SLC9A8: variants seen among roughly 807,000 people sequenced by gnomAD.
SLC9A8 encodes solute carrier family 9 member A8.
In SLC9A8, 48 loss-of-function variants were observed where a neutral mutation model predicts 66.6. That is an observed-to-expected ratio of 0.72 (90% CI 0.57 to 0.92). The LOEUF is 0.92. Among genes scored for constraint, SLC9A8 ranks in the 40% least tolerant of loss-of-function variants. The pLI is 0.00. For synonymous variants in SLC9A8, 274 were observed against 282.6 expected (o/e 0.97, Z 0.31); for missense variants, 599 against 747.3 (o/e 0.80, Z 2.31).
chr20:49,832,300 C>T (rs903528536), intron 3 of SLC9A8, among the ~76,000 whole-genome samples: 2 of 152,168 alleles, frequency 1.3e-5, no homozygotes, highest in African/African-American at 4.8e-5. Flanking sequence ...GCATCATGGT[C>T]TTCGGTGCTT....
chr20:49,829,764 G>T, intron 3 of SLC9A8: 1 of 531,776 alleles, frequency 1.9e-6, no homozygotes, highest in East Asian at 4.6e-5. Context: ...ACAAGAATCG[G>T]CTTAATTCCA....
At chr20:49,835,339 T>TA (rs910385186) in intron 3 of SLC9A8, among the ~76,000 whole-genome samples, 7 of 151,530 alleles carry the variant, frequency 4.6e-5, no homozygotes, top group African/African-American at 1.5e-4. Flanking sequence ...GTTGTGATTT[T>TA]AAAAAAAAGG....
At chr20:49,822,030 C>G (rs762445367) in intron 2 of SLC9A8, among the ~76,000 whole-genome samples, 43 of 152,108 alleles carry the variant, frequency 2.8e-4, no homozygotes, top group Admixed American at 5.9e-4. Context: ...CCTCAGTTTT[C>G]TGATTTGTAA....
intron 5 of SLC9A8, among the ~76,000 whole-genome samples, chr20:49,846,396 C>G (rs2087990507): frequency 6.6e-6 from 1 of 151,562 alleles, no homozygotes; most frequent in Non-Finnish European, 1.5e-5. Context: ...CAACACAGAT[C>G]TAATCATGCG....
chr20:49,887,018 C>A, intron 15 of SLC9A8, 120 bp downstream of exon 15: 1 of 1,142,448 alleles, frequency 8.8e-7, no homozygotes, highest in Non-Finnish European at 1.2e-6. Context: ...CGTGGGCCCG[C>A]CAGGCCGCCG....
intron 3 of SLC9A8, among the ~76,000 whole-genome samples, chr20:49,828,425 T>C (rs1444561243): frequency 1.3e-5 from 2 of 151,364 alleles, no homozygotes; most frequent in African/African-American, 4.8e-5. Flanking sequence ...GGTTTCTTCA[T>C]GTTGGTCAGG....
chr20:49,884,225 C>CACACACACACACACG (rs2089749614), intron 14 of SLC9A8, 159 bp downstream of exon 14: 2 of 222,906 alleles, frequency 9.0e-6, no homozygotes, highest in African/African-American at 4.8e-5. Context: ...CACACACACA[C>CACACACACACACACG]ACACACACAC....
chr20:49,874,646 TGA>T (rs1302395849), intron 10 of SLC9A8, 57 bp from the exon 11 acceptor site: 2 of 1,068,690 alleles, frequency 1.9e-6, no homozygotes, highest in Admixed American at 1.7e-5. Context: ...GCAGGCATTG[TGA>T]GATCTGAGTT....
rs1341726266 is a variant in SLC9A8, at chr20:49,835,328, GGTT to G, written c.290-4210_290-4208del. Among the ~76,000 whole-genome samples, 5 of 151,840 alleles carry G rather than the reference GGTT, an allele frequency of 3.3e-5. No homozygotes were observed. The East Asian group carries it at 7.8e-4, about 24-fold the overall frequency. ...CCATCAGTGGGGCAATGGTTCAAAA[GGTT>G]GTGATTTTAAAAAAAAGGTACAATA... On this transcript the variant is annotated intron_variant, in intron 3 of 15. Coordinates refer to ENST00000361573, the MANE Select transcript of SLC9A8 (RefSeq NM_015266.3).
At chr20:49,879,321 C>T (rs1002590667) in intron 12 of SLC9A8, among the ~76,000 whole-genome samples, 1 of 152,194 alleles carries the variant, frequency 6.6e-6, no homozygotes, top group Non-Finnish European at 1.5e-5. Flanking sequence ...GCTTTGGGGT[C>T]TGAACCAGAT....
intron 10 of SLC9A8, among the ~76,000 whole-genome samples, 163 bp from the exon 11 acceptor site, chr20:49,874,542 C>G (rs780835376): frequency 4.6e-5 from 7 of 152,056 alleles, no homozygotes; most frequent in Non-Finnish European, 1.0e-4. Context: ...GCGAAGGGAC[C>G]CATAGTATTT....
At position 49,864,816 on chromosome 20, in the gene SLC9A8, T is replaced by C; in HGVS notation, c.930T>C (p.Tyr310=). The change falls in exon 10 of 16, where the codon TAT becomes TAC. Residue 310 remains tyrosine, a synonymous_variant. Coordinates refer to ENST00000361573, the MANE Select transcript of SLC9A8 (RefSeq NM_015266.3). The stretch of plus-strand genomic sequence containing the variant: ...TGATCATTTTTGCTTATCTGCCTTA[T>C]GGGCTTGCAGAAGGAATCTCACTCT... The part of the protein sequence containing the change: ...GMMIIFAYLP[Y]GLAEGISLSG... The C allele has an allele frequency of 3.7e-6, 6 of 1,613,770 alleles. No homozygotes were observed. Among genetic ancestry groups the C allele is most frequent in the Non-Finnish European group, 5.1e-6 (6 of 1,179,628 alleles).
Position 49,886,956 on chromosome 20 carries a change from C to G in SLC9A8, c.1638+58C>G. 6.4e-7 allele frequency: 1 copy of G among 1,555,270 alleles called. No homozygotes were observed. The highest frequency in any genetic ancestry group is 8.7e-7 in the Non-Finnish European group (1 of 1,144,620). ...GTCCCTTGCCTGCCTCCTTCAGGAC[C>G]TGCGGTGGCCCAGGGTGGGGTGGAG... is the stretch of plus-strand genomic sequence containing the variant. On this transcript the variant is annotated intron_variant, in intron 15 of 15. Transcript: ENST00000361573. This position sits in a 1 kb window ranked among gnomAD's most constrained non-coding sequence, Gnocchi z 4.8.
intron 3 of SLC9A8, among the ~76,000 whole-genome samples, chr20:49,836,681 GT>G (rs1243381093): frequency 6.6e-6 from 1 of 152,118 alleles, no homozygotes; most frequent in African/African-American, 2.4e-5. Flanking sequence ...CTGTGTACAG[GT>G]TTTTACATGA....
At chr20:49,816,280 C>T (rs927036171) in intron 2 of SLC9A8, among the ~76,000 whole-genome samples, 5 of 151,816 alleles carry the variant, frequency 3.3e-5, no homozygotes, top group African/African-American at 1.2e-4. Context: ...ATTAGCTGGG[C>T]GTGGTGGTAT....
intron 5 of SLC9A8, among the ~76,000 whole-genome samples, chr20:49,845,827 G>A (rs6020084): frequency 0.43 from 64,554 of 148,824 alleles, 14,535 homozygotes; most frequent in African/African-American, 0.58. Flanking sequence ...AGTGTGAGAT[G>A]TTTTTTTTTT....
chr20:49,875,596 T>A (rs2089393948), intron 11 of SLC9A8, among the ~76,000 whole-genome samples: 1 of 152,150 alleles, frequency 6.6e-6, no homozygotes, highest in Admixed American at 6.5e-5. Context: ...CGCTCCGACA[T>A]ACCCATGTAT....
At chr20:49,862,513 G>A (rs542375871) in intron 8 of SLC9A8, among the ~76,000 whole-genome samples, 1 of 152,162 alleles carries the variant, frequency 6.6e-6, no homozygotes, top group Non-Finnish European at 1.5e-5. Context: ...TGCTCACCTC[G>A]GCCTCCCAAA....
intron 5 of SLC9A8, 86 bp downstream of exon 5, chr20:49,845,205 TAGCAGCAGC>T (rs891080741): frequency 5.2e-6 from 5 of 965,844 alleles, no homozygotes; most frequent in East Asian, 2.5e-5. Context: ...GGGTATAATT[TAGCAGCAGC>T]AGCAGCAGCA....
Sources: gnomAD v4.1 joint callset for allele counts (sites outside exome capture counted in the v4.1 genomes callset) on GRCh38, gnomAD v4.1.1 for gene constraint, Gnocchi (gnomAD v3.1) non-coding constraint, MANE v1.5 for transcripts, NCBI Gene and HGNC (gene_info 2026-07-23, HGNC 2026-07-21) for gene names.